Variants in STAU1 observed in about 807,000 individuals in gnomAD.
STAU1 encodes staufen double-stranded RNA binding protein 1.
In STAU1, 13 loss-of-function variants were observed where a neutral mutation model predicts 62.9. The ratio of observed to expected loss-of-function variants is 0.21; its 90% CI spans 0.13 to 0.33. The LOEUF (loss-of-function observed/expected upper bound fraction) is 0.33, where lower values mean the gene tolerates loss of function less well. STAU1 is among the 10% of genes least tolerant of loss of function. The probability of loss-of-function intolerance (pLI) is 1.00; values close to 1 mark genes in which losing one functional copy is unlikely to be tolerated. For synonymous variants in STAU1, 269 were observed against 265.1 expected, an observed-to-expected ratio of 1.01 and a Z score of -0.14; for missense variants, 571 against 712.1, an observed-to-expected ratio of 0.80 and a Z score of 2.25.
chr20:49,195,847 G>A, the STAU1 span, among the ~76,000 whole-genome samples: 1 of 131,288 alleles, frequency 7.6e-6, no homozygotes, highest in Non-Finnish European at 1.6e-5. Flanking sequence ...AGGTTGCAGT[G>A]AGATAGCGCC....
chr20:49,205,825 C>G, the STAU1 span, among the ~76,000 whole-genome samples: 1 of 150,654 alleles, frequency 6.6e-6, no homozygotes, highest in African/African-American at 2.4e-5. Flanking sequence ...CAGGCATATA[C>G]CACCACACCC....
the STAU1 span, among the ~76,000 whole-genome samples, chr20:49,209,760 G>C: frequency 6.6e-6 from 1 of 151,004 alleles, no homozygotes; most frequent in Non-Finnish European, 1.5e-5. Flanking sequence ...TATACATAAT[G>C]ATAATTGGCC....
intron 3 of STAU1, among the ~76,000 whole-genome samples, chr20:49,157,293 T>C (rs923963021): frequency 6.6e-6 from 1 of 152,206 alleles, no homozygotes; most frequent in African/African-American, 2.4e-5. Context: ...AATGTGTTTG[T>C]GGGCTCTTGT....
chr20:49,217,208 C>T, the STAU1 span, among the ~76,000 whole-genome samples: 4 of 151,924 alleles, frequency 2.6e-5, no homozygotes, highest in African/African-American at 9.7e-5. Context: ...GGGAGAAGTG[C>T]TGCTGGAGTG....
intron 5 of STAU1, among the ~76,000 whole-genome samples, chr20:49,138,332 A>AT (rs962211869): frequency 2.6e-5 from 4 of 152,062 alleles, no homozygotes; most frequent in African/African-American, 7.2e-5. Flanking sequence ...AGGTTAAAAA[A>AT]ATATATATAT....
chr20:49,133,994 A>C (rs2092812282), intron 6 of STAU1, among the ~76,000 whole-genome samples: 1 of 152,244 alleles, frequency 6.6e-6, no homozygotes, highest in Admixed American at 6.5e-5. Flanking sequence ...GTAACTGTAA[A>C]GAATACTTCA....
chr20:49,116,446 T>C (rs893971060), intron 12 of STAU1, among the ~76,000 whole-genome samples: 1 of 152,162 alleles, frequency 6.6e-6, no homozygotes, highest in Admixed American at 6.5e-5. Flanking sequence ...GCGATTCTCC[T>C]GCCTTGGCCT....
chr20:49,208,914 G>T, the STAU1 span, among the ~76,000 whole-genome samples: 1 of 151,286 alleles, frequency 6.6e-6, no homozygotes, highest in Non-Finnish European at 1.5e-5. Context: ...GAGCCACTGC[G>T]CCCGGCCGAT....
chr20:49,160,778 C>T (rs2093435731), intron 3 of STAU1, among the ~76,000 whole-genome samples: 2 of 152,140 alleles, frequency 1.3e-5, no homozygotes, highest in African/African-American at 4.8e-5. Flanking sequence ...TACTAAAATG[C>T]AAAATTAGCC....
At chr20:49,203,831 C>A in the STAU1 span, among the ~76,000 whole-genome samples, 1 of 152,154 alleles carries the variant, frequency 6.6e-6, no homozygotes, top group Non-Finnish European at 1.5e-5. Flanking sequence ...GGATTACAGG[C>A]GTGCGCCACC....
the STAU1 span, among the ~76,000 whole-genome samples, chr20:49,200,607 AAAAC>A: frequency 1.6e-4 from 25 of 151,972 alleles, no homozygotes; most frequent in East Asian, 4.1e-3. Context: ...TCTCAAAAAA[AAAAC>A]AAACAAACAA....
chr20:49,174,719 C>T (rs564765876), intron 1 of STAU1, among the ~76,000 whole-genome samples: 8 of 152,204 alleles, frequency 5.3e-5, no homozygotes, highest in African/African-American at 1.9e-4. Flanking sequence ...GGGTGGATCA[C>T]GAGGTCAGGA....
chr20:49,173,875 GTTT>G (rs964238924), intron 2 of STAU1, among the ~76,000 whole-genome samples: 2 of 152,116 alleles, frequency 1.3e-5, no homozygotes, highest in Admixed American at 1.3e-4. Context: ...AAATCAAAGG[GTTT>G]TTTTAAAAAA....
At chr20:49,188,023 C>G (rs957901023) in intron 1 of STAU1, 93 bp downstream of exon 1, 3 of 151,342 alleles carry the variant, frequency 2.0e-5, no homozygotes, top group African/African-American at 7.3e-5. Flanking sequence ...TGCGCGGGCC[C>G]GCCGAGGCCT....
chr20:49,158,597 G>T, intron 3 of STAU1: 3 of 1,006,292 alleles, frequency 3.0e-6, no homozygotes, highest in Non-Finnish European at 2.7e-6. Flanking sequence ...ATCACTTGAG[G>T]TCAGGAGTTC....
At chr20:49,197,189 A>C in the STAU1 span, among the ~76,000 whole-genome samples, 9 of 151,588 alleles carry the variant, frequency 5.9e-5, no homozygotes, top group African/African-American at 2.2e-4. Context: ...AAATAACATC[A>C]ATGTCCATCA....
the STAU1 span, among the ~76,000 whole-genome samples, chr20:49,217,192 C>T: frequency 6.6e-6 from 1 of 151,782 alleles, no homozygotes. Flanking sequence ...TGAATTGCTG[C>T]TTCTAGGGAG....
intron 6 of STAU1, among the ~76,000 whole-genome samples, chr20:49,125,629 G>A (rs945271074): frequency 2.6e-5 from 4 of 151,402 alleles, no homozygotes; most frequent in Admixed American, 1.3e-4. Flanking sequence ...GGTGGATCAC[G>A]AGGTCAGGAG....
At chr20:49,187,783 C>CCG (rs1568952857) in intron 1 of STAU1, among the ~76,000 whole-genome samples, 1 of 138,676 alleles carries the variant, frequency 7.2e-6, no homozygotes, top group Non-Finnish European at 1.6e-5. Context: ...ACCCCCCCCC[C>CCG]CCCCCGCCTG....
Sources: gnomAD v4.1 joint callset for allele counts (sites outside exome capture counted in the v4.1 genomes callset) on GRCh38, gnomAD v4.1.1 for gene constraint, MANE v1.5 for transcripts, NCBI Gene and HGNC (gene_info 2026-07-23, HGNC 2026-07-21) for gene names.